GRB10: variants seen among roughly 807,000 people sequenced by gnomAD.
The protein encoded by GRB10 is growth factor receptor bound protein 10, also known as growth factor receptor-bound protein 10.
GRB10 carries 20 observed loss-of-function variants against 80.9 expected under a neutral mutation model. The ratio of observed to expected loss-of-function variants is 0.25; its 90% CI spans 0.17 to 0.36. GRB10 has a LOEUF of 0.36. Ranked by LOEUF, GRB10 falls within the 10% of genes least tolerant of loss-of-function variation. GRB10 has a pLI of 1.00. For missense variants in GRB10, 548 were observed against 747.7 expected (o/e 0.73, Z 3.12); for synonymous variants, 291 against 291.5 (o/e 1.00, Z 0.02).
At position 50,688,010 on chromosome 7, in the gene GRB10, G is replaced by A. The variant is rs115274748; in HGVS notation, c.140-13352C>T. 1.2e-3 allele frequency among the ~76,000 whole-genome samples: 190 copies of A among 152,358 alleles called. 2 individuals carry two copies. Among genetic ancestry groups the A allele is most frequent in the African/African-American group, 3.8e-3 (156 of 41,596 alleles). On this transcript the variant is annotated intron_variant, in intron 5 of 18. Transcript: ENST00000401949. ...AAAGAGTGGTTCAGATTGAGAAACC[G>A]TGGAGGGGAGGGAGGAACAGTACAA...
chr7:50,664,496 G>A lies in GRB10; in HGVS notation c.504+5226C>T, dbSNP rs149995171. 2.6e-3 allele frequency among the ~76,000 whole-genome samples: 389 copies of A among 152,310 alleles called. 1 individual carries two copies. Among genetic ancestry groups the A allele is most frequent in the African/African-American group, 8.9e-3 (369 of 41,556 alleles). On this transcript the variant is annotated intron_variant, in intron 7 of 18. Coordinates refer to ENST00000401949, the MANE Select transcript of GRB10 (RefSeq NM_001350814.2). ...TGTGGGGGCAGGGGGGACAGCTCTG[G>A]TATTTACCCAGGATTGTCTGGCACC...
At chr7:50,653,980 T>G (rs2058331026) in intron 7 of GRB10, among the ~76,000 whole-genome samples, 1 of 152,220 alleles carries the variant, frequency 6.6e-6, no homozygotes, top group Non-Finnish European at 1.5e-5. Context: ...AGGTCTTTAT[T>G]CCCTTGTGTT....
At chr7:50,734,832 A>G (rs1332080399) in intron 3 of GRB10, among the ~76,000 whole-genome samples, 1 of 152,234 alleles carries the variant, frequency 6.6e-6, no homozygotes, top group Admixed American at 6.5e-5. Context: ...AAATGTAACC[A>G]ATCCACAGCT....
intron 3 of GRB10, among the ~76,000 whole-genome samples, chr7:50,748,730 A>G (rs1012965200): frequency 6.6e-6 from 1 of 152,216 alleles, no homozygotes; most frequent in Admixed American, 6.5e-5. Flanking sequence ...TTTGGACCCC[A>G]TAGTGCTCCA....
chr7:50,622,326 G>A lies in GRB10; in HGVS notation c.662-3041C>T, dbSNP rs189528610. On this transcript the variant is annotated intron_variant, in intron 8 of 18. Transcript: ENST00000401949. ...CTCTAATCAGCAAGAGTCAACAGGC[G>A]CCGGCTGTTTCTCCCTCCACACCTT... 9.8e-4 allele frequency among the ~76,000 whole-genome samples: 149 copies of A among 152,264 alleles called. 3 individuals are homozygous for A. The highest frequency in any genetic ancestry group is 1.8e-4 in the Non-Finnish European group (12 of 68,016).
At chr7:50,787,285 G>GGAA (rs542032956), upstream of GRB10, among the ~76,000 whole-genome samples, 399 of 152,028 alleles carry the variant, frequency 2.6e-3, no homozygotes, top group Admixed American at 4.7e-3. Context: ...AGGAGGAGGA[G>GGAA]GAGGAGGAGG....
chr7:50,748,619 T>C (rs1298008830), intron 3 of GRB10, among the ~76,000 whole-genome samples: 1 of 152,204 alleles, frequency 6.6e-6, no homozygotes, highest in Non-Finnish European at 1.5e-5. Context: ...ATTTTCCTTC[T>C]CATTCTTCCT....
chr7:50,629,925 C>A (rs942920347), intron 7 of GRB10, among the ~76,000 whole-genome samples: 3 of 152,192 alleles, frequency 2.0e-5, no homozygotes, highest in Non-Finnish European at 2.9e-5. Context: ...AGGCCCTTGT[C>A]CCGCAGCAAC....
intron 6 of GRB10, among the ~76,000 whole-genome samples, chr7:50,672,930 A>G (rs1445818876): frequency 3.3e-5 from 5 of 152,336 alleles, no homozygotes; most frequent in African/African-American, 1.2e-4. Context: ...ATCATTCAGC[A>G]TCAATGAATA....
At chr7:50,780,090 C>T (rs923189674) in intron 2 of GRB10, among the ~76,000 whole-genome samples, 1 of 152,112 alleles carries the variant, frequency 6.6e-6, no homozygotes, top group East Asian at 1.9e-4. Flanking sequence ...CTCTGCCGGC[C>T]GTGAGAGGAA....
At chr7:50,774,398 A>G (rs2077362185) in intron 2 of GRB10, among the ~76,000 whole-genome samples, 1 of 152,240 alleles carries the variant, frequency 6.6e-6, no homozygotes, top group African/African-American at 2.4e-5. Flanking sequence ...TATAAAGAAC[A>G]AAATCTATTT....
intron 2 of GRB10, among the ~76,000 whole-genome samples, chr7:50,773,421 G>A (rs1316157905): frequency 1.5e-5 from 1 of 65,782 alleles, no homozygotes; most frequent in Non-Finnish European, 4.6e-5. Flanking sequence ...AAGGGGACGG[G>A]GAAGGGAAGG....
At chr7:50,750,526 C>T (rs750656642) in intron 3 of GRB10, among the ~76,000 whole-genome samples, 2 of 152,204 alleles carry the variant, frequency 1.3e-5, no homozygotes, top group Admixed American at 6.5e-5. Context: ...TCACAGCACA[C>T]GTTGAGCCTG....
At chr7:50,620,663 T>G (rs955432473) in intron 8 of GRB10, among the ~76,000 whole-genome samples, 13 of 152,172 alleles carry the variant, frequency 8.5e-5, no homozygotes, top group Non-Finnish European at 1.6e-4. Flanking sequence ...GTGGAGCAGT[T>G]CCCATTTGTC....
chr7:50,749,888 G>A (rs6972073), intron 3 of GRB10, among the ~76,000 whole-genome samples: 143 of 152,294 alleles, frequency 9.4e-4, no homozygotes, highest in African/African-American at 3.3e-3. Flanking sequence ...AGCACAGTTT[G>A]TACTTATCAT....
chr7:50,661,051 G>T (rs1331537605), intron 7 of GRB10, among the ~76,000 whole-genome samples: 1 of 152,232 alleles, frequency 6.6e-6, no homozygotes, highest in Non-Finnish European at 1.5e-5. Flanking sequence ...GATGGAGGAA[G>T]TCCATCCTCA....
At chr7:50,662,281 G>A (rs1007886785) in intron 7 of GRB10, among the ~76,000 whole-genome samples, 13 of 152,214 alleles carry the variant, frequency 8.5e-5, no homozygotes, top group African/African-American at 3.1e-4. Flanking sequence ...CTTCCTCTCC[G>A]ATGGTCATGA....
At chr7:50,738,036 G>A (rs1054217822) in intron 3 of GRB10, among the ~76,000 whole-genome samples, 9 of 152,162 alleles carry the variant, frequency 5.9e-5, no homozygotes, top group African/African-American at 9.7e-5. Flanking sequence ...ATCACTAGTC[G>A]TTAGGGAAAT....
intron 13 of GRB10, among the ~76,000 whole-genome samples, chr7:50,608,044 A>G (rs1231051254): frequency 6.6e-6 from 1 of 152,230 alleles, no homozygotes; most frequent in East Asian, 1.9e-4. Context: ...CACTCCAGCA[A>G]GAGAAGAGCA....
Sources: gnomAD v4.1 joint callset for allele counts (sites outside exome capture counted in the v4.1 genomes callset) on GRCh38, gnomAD v4.1.1 for gene constraint, MANE v1.5 for transcripts, NCBI Gene and HGNC (gene_info 2026-07-23, HGNC 2026-07-21) for gene names.